Variants in CERS6 observed in about 807,000 individuals in gnomAD.
The protein encoded by CERS6 is ceramide synthase 6.
In CERS6, 26 loss-of-function variants were observed where a neutral mutation model predicts 56.8. The observed-to-expected ratio is 0.46, with a 90% CI of 0.34 to 0.63. CERS6 has a LOEUF of 0.63. Among genes scored for constraint, CERS6 ranks in the 30% least tolerant of loss-of-function variants. CERS6 has a pLI of 0.01. For synonymous variants in CERS6, 164 were observed against 173.3 expected (o/e 0.95, Z 0.42); for missense variants, 415 against 467.5 (o/e 0.89, Z 1.04).
Position 168,760,738 on chromosome 2 carries a change from G to GTTTGTTTATTTATTTA in CERS6, c.846-4851_846-4850insGTTTATTTATTTATTT, listed in dbSNP as rs376070301. 3.6e-3 allele frequency among the ~76,000 whole-genome samples: 468 copies of GTTTGTTTATTTATTTA among 129,338 alleles called. 1 individual carries two copies. Among genetic ancestry groups the GTTTGTTTATTTATTTA allele is most frequent in the African/African-American group, 0.011 (432 of 39,320 alleles). The allele number at this position is 129,338 out of a possible 152,430, so 84.9% of individuals were successfully genotyped here. On this transcript the variant is annotated intron_variant, in intron 8 of 9. Transcript: ENST00000305747. Reference sequence around the variant, plus strand: ...AGGCTCTTTCCTGGGTTTACTGTTTGTTTATTTATTTATTTATTTATTTAT... The same window carrying GTTTGTTTATTTATTTA: ...AGGCTCTTTCCTGGGTTTACTGTTTGTTTGTTTATTTATTTATTTATTTATTTATTTATTTATTTAT...
chr2:168,707,827 C>T (rs935760594), intron 6 of CERS6, among the ~76,000 whole-genome samples: 4 of 152,010 alleles, frequency 2.6e-5, no homozygotes, highest in Non-Finnish European at 5.9e-5. Context: ...ATTTTTTAGT[C>T]CTTTATTTCT....
chr2:168,484,815 C>T (rs1694246936), intron 1 of CERS6, among the ~76,000 whole-genome samples: 1 of 152,056 alleles, frequency 6.6e-6, no homozygotes, highest in African/African-American at 2.4e-5. Flanking sequence ...CTTGTGAATA[C>T]TCATTGGAAG....
At chr2:168,538,348 C>T (rs1054506713) in intron 1 of CERS6, among the ~76,000 whole-genome samples, 2 of 151,908 alleles carry the variant, frequency 1.3e-5, no homozygotes, top group Admixed American at 6.5e-5. Context: ...TAACTCTATA[C>T]TAGCCTCTCT....
At chr2:168,692,803 A>G (rs779188185) in intron 5 of CERS6, among the ~76,000 whole-genome samples, 4 of 152,124 alleles carry the variant, frequency 2.6e-5, no homozygotes, top group Non-Finnish European at 5.9e-5. Flanking sequence ...TATGTATGCA[A>G]TTATAGTACT....
At chr2:168,631,908 A>C (rs1684755692) in intron 4 of CERS6, among the ~76,000 whole-genome samples, 3 of 138,738 alleles carry the variant, frequency 2.2e-5, no homozygotes, top group Non-Finnish European at 4.6e-5. Context: ...TTATATATAT[A>C]ATATCTGTCT....
At chr2:168,481,559 G>A (rs977419739) in intron 1 of CERS6, among the ~76,000 whole-genome samples, 1 of 152,212 alleles carries the variant, frequency 6.6e-6, no homozygotes, top group African/African-American at 2.4e-5. Context: ...TGTAAACACT[G>A]AATAGAGTGA....
chr2:168,459,686 A>T (rs192307207), intron 1 of CERS6, among the ~76,000 whole-genome samples: 39 of 152,206 alleles, frequency 2.6e-4, no homozygotes, highest in Non-Finnish European at 2.9e-5. Flanking sequence ...ATTGTATACC[A>T]TTATATTATG....
intron 3 of CERS6, among the ~76,000 whole-genome samples, chr2:168,614,131 T>A (rs987305177): frequency 2.6e-5 from 4 of 152,250 alleles, no homozygotes; most frequent in Non-Finnish European, 5.9e-5. Flanking sequence ...AACAAGAGCA[T>A]CTTCTCAAAT....
intron 8 of CERS6, among the ~76,000 whole-genome samples, chr2:168,749,166 A>G (rs1684189128): frequency 6.6e-6 from 1 of 152,188 alleles, no homozygotes; most frequent in African/African-American, 2.4e-5. Context: ...ATTAAGCTCT[A>G]AATATCAGGC....
chr2:168,754,873 C>T (rs1684373213), intron 8 of CERS6, among the ~76,000 whole-genome samples: 1 of 152,146 alleles, frequency 6.6e-6, no homozygotes, highest in Admixed American at 6.5e-5. Flanking sequence ...TCCTCCTGCG[C>T]TCAAGTGATC....
At chr2:168,565,604 CA>C (rs758971610) in intron 3 of CERS6, among the ~76,000 whole-genome samples, 2 of 152,178 alleles carry the variant, frequency 1.3e-5, no homozygotes, top group Non-Finnish European at 2.9e-5. Context: ...TGTGGAATAG[CA>C]CCAGTATGCA....
chr2:168,676,644 A>G (rs1430301346), intron 4 of CERS6, among the ~76,000 whole-genome samples: 1 of 152,220 alleles, frequency 6.6e-6, no homozygotes, highest in Non-Finnish European at 1.5e-5. Context: ...TAATTCAGAA[A>G]AACCACACGT....
chr2:168,544,637 C>A (rs139326570), intron 1 of CERS6, among the ~76,000 whole-genome samples: 366 of 152,194 alleles, frequency 2.4e-3, no homozygotes, highest in African/African-American at 8.3e-3. Context: ...GAGCTTAGAC[C>A]CCGATCACAC....
chr2:168,660,028 T>C (rs1194669470), intron 4 of CERS6, among the ~76,000 whole-genome samples: 1 of 152,196 alleles, frequency 6.6e-6, no homozygotes, highest in Non-Finnish European at 1.5e-5. Flanking sequence ...AGTGTATGCT[T>C]TCTGTTGCCA....
At chr2:168,576,945 G>A (rs548920785) in intron 3 of CERS6, among the ~76,000 whole-genome samples, 100 of 152,290 alleles carry the variant, frequency 6.6e-4, no homozygotes, top group African/African-American at 2.3e-3. Flanking sequence ...GAGGAAGCGT[G>A]AGGGAGGAGC....
chr2:168,461,365 G>T (rs1237257646), intron 1 of CERS6, among the ~76,000 whole-genome samples: 2 of 151,662 alleles, frequency 1.3e-5, no homozygotes, highest in African/African-American at 4.9e-5. Context: ...TGGCTTATGT[G>T]GGAGGATCAC....
chr2:168,694,619 T>C (rs1195088374), intron 5 of CERS6, among the ~76,000 whole-genome samples: 1 of 152,192 alleles, frequency 6.6e-6, no homozygotes, highest in Non-Finnish European at 1.5e-5. Flanking sequence ...GGTTATTCTT[T>C]GTCTGTATTA....
Position 168,743,147 on chromosome 2 carries a change from C to CATAT in CERS6, c.846-22432_846-22429dup, listed in dbSNP as rs148464862. 2.7e-3 allele frequency among the ~76,000 whole-genome samples: 390 copies of CATAT among 146,124 alleles called. 1 individual carries two copies. Among genetic ancestry groups the CATAT allele is most frequent in the African/African-American group, 8.5e-3 (339 of 39,692 alleles). ...AGATGGAAGGATTATTGTCTATATT[C>CATAT]ATATATATATATATATGTATGTATG... On this transcript the variant is annotated intron_variant, in intron 8 of 9. Coordinates refer to ENST00000305747, the MANE Select transcript of CERS6 (RefSeq NM_203463.3).
intron 4 of CERS6, among the ~76,000 whole-genome samples, chr2:168,640,089 A>G (rs1684952329): frequency 6.6e-6 from 1 of 152,170 alleles, no homozygotes; most frequent in Non-Finnish European, 1.5e-5. Flanking sequence ...TTTCCCTCAT[A>G]GAAATTAATC....
Sources: allele counts gnomAD v4.1 joint callset (sites outside exome capture counted in the v4.1 genomes callset), GRCh38; gene constraint gnomAD v4.1.1; transcripts MANE v1.5; gene names NCBI Gene and HGNC (gene_info 2026-07-23, HGNC 2026-07-21).